Variants in PDE10A observed in about 807,000 individuals in gnomAD.
PDE10A encodes the protein phosphodiesterase 10A, also known as cAMP and cAMP-inhibited cGMP 3',5'-cyclic phosphodiesterase 10A.
Under a neutral mutation model 97.7 loss-of-function variants are expected in PDE10A, and 39 were observed. That is an observed-to-expected ratio of 0.40 (90% CI 0.31 to 0.52). The LOEUF (loss-of-function observed/expected upper bound fraction) is 0.52. PDE10A is among the 20% of genes least tolerant of loss of function. The pLI is 0.56. For missense variants in PDE10A, 731 were observed against 1,047.8 expected, an observed-to-expected ratio of 0.70 and a Z score of 4.17; for synonymous variants, 371 against 376.8, an observed-to-expected ratio of 0.98 and a Z score of 0.18.
chr6:165,942,049 C>T (rs1204230806), intron 1 of PDE10A, among the ~76,000 whole-genome samples: 1 of 152,164 alleles, frequency 6.6e-6, no homozygotes, highest in African/African-American at 2.4e-5. Context: ...ACAGTGATTC[C>T]TGGATGTGAC....
intron 1 of PDE10A, among the ~76,000 whole-genome samples, chr6:165,883,550 AAAAT>A (rs1325241922): frequency 1.5e-5 from 1 of 66,472 alleles, no homozygotes; most frequent in African/African-American, 5.1e-5. Context: ...AAAAAAAAAA[AAAAT>A]AAATAAAAAT....
At chr6:165,817,874 G>A (rs537287260) in intron 1 of PDE10A, among the ~76,000 whole-genome samples, 2 of 152,312 alleles carry the variant, frequency 1.3e-5, no homozygotes, top group African/African-American at 2.4e-5. Flanking sequence ...TCTTAAGTGC[G>A]GTAGAATGTT....
chr6:165,444,165 C>T (rs1330688493), intron 5 of PDE10A, among the ~76,000 whole-genome samples: 1 of 152,214 alleles, frequency 6.6e-6, no homozygotes, highest in Admixed American at 6.5e-5. Flanking sequence ...ACTTCACTAT[C>T]CGTATCACTG....
At position 165,330,752 on chromosome 6, in the gene PDE10A, A is replaced by C. The variant is rs1223528039; in HGVS notation, c.*2273T>G. 6.6e-6 allele frequency: 1 copy of C among 152,204 alleles called. No individual in the cohort carries two copies. The highest frequency in any genetic ancestry group is 2.4e-5 in the African/African-American group (1 of 41,462). 9.4% of individuals were successfully genotyped at this position (152,204 alleles called of 1,614,324 possible). On this transcript the variant is annotated 3_prime_UTR_variant, in exon 22 of 22. Coordinates refer to ENST00000539869, the MANE Select transcript of PDE10A (RefSeq NM_001385079.1). ...CTCCATAATTATTTTCTATATTAAA[A>C]AACAGAATTCATACATTCTTTTAAA...
At chr6:165,498,606 T>C (rs1475644794) in intron 2 of PDE10A, among the ~76,000 whole-genome samples, 1 of 152,050 alleles carries the variant, frequency 6.6e-6, no homozygotes, top group Non-Finnish European at 1.5e-5. Flanking sequence ...AATTTGGCTA[T>C]CACACATTAC....
At chr6:165,646,042 T>C (rs971530827) in intron 1 of PDE10A, among the ~76,000 whole-genome samples, 4 of 151,992 alleles carry the variant, frequency 2.6e-5, no homozygotes, top group African/African-American at 7.2e-5. Context: ...AATCCTAAAA[T>C]AGGAGCATGC....
intron 18 of PDE10A, among the ~76,000 whole-genome samples, chr6:165,348,545 A>C (rs556675358): frequency 6.6e-6 from 1 of 152,304 alleles, no homozygotes; most frequent in Admixed American, 6.5e-5. Flanking sequence ...AGTCAGGAAA[A>C]GTGCTTTGAA....
At chr6:165,551,476 G>A (rs1167968790) in intron 1 of PDE10A, among the ~76,000 whole-genome samples, 1 of 152,098 alleles carries the variant, frequency 6.6e-6, no homozygotes, top group African/African-American at 2.4e-5. Context: ...TAAGTATGTG[G>A]CACACAGAAA....
At chr6:165,798,185 T>C (rs1778878888) in intron 1 of PDE10A, among the ~76,000 whole-genome samples, 1 of 152,222 alleles carries the variant, frequency 6.6e-6, no homozygotes, top group Non-Finnish European at 1.5e-5. Context: ...AAAAATAATA[T>C]CACCATCAAG....
chr6:165,597,194 T>C (rs1280409412), intron 1 of PDE10A, among the ~76,000 whole-genome samples: 2 of 152,146 alleles, frequency 1.3e-5, no homozygotes, highest in Non-Finnish European at 2.9e-5. Context: ...CACTGCTGTA[T>C]TCCCAATTCC....
At chr6:165,779,618 T>C (rs1485600424) in intron 1 of PDE10A, among the ~76,000 whole-genome samples, 1 of 152,252 alleles carries the variant, frequency 6.6e-6, no homozygotes, top group Non-Finnish European at 1.5e-5. Flanking sequence ...TTTGGGGTGG[T>C]GGCTACAAAG....
chr6:165,970,530 A>C (rs942797123), intron 1 of PDE10A, among the ~76,000 whole-genome samples: 32 of 152,328 alleles, frequency 2.1e-4, no homozygotes, highest in Admixed American at 1.7e-3. Flanking sequence ...TAAAATATCC[A>C]TAACAGTTAT....
chr6:165,558,531 G>A (rs1252869610), intron 1 of PDE10A, among the ~76,000 whole-genome samples: 4 of 152,098 alleles, frequency 2.6e-5, no homozygotes, highest in African/African-American at 9.6e-5. Context: ...AGAATACATA[G>A]GTTTTCTATA....
At chr6:165,903,384 A>G (rs1218048288) in intron 1 of PDE10A, among the ~76,000 whole-genome samples, 1 of 152,188 alleles carries the variant, frequency 6.6e-6, no homozygotes, top group East Asian at 1.9e-4. Context: ...TGAATATAGG[A>G]TTCATTTTGG....
chr6:165,768,591 A>C (rs904674615), intron 1 of PDE10A, among the ~76,000 whole-genome samples: 5 of 152,164 alleles, frequency 3.3e-5, no homozygotes, highest in Admixed American at 3.3e-4. Flanking sequence ...GAATCCTATC[A>C]TATGGTATTT....
At chr6:165,420,015 C>T (rs899351136) in intron 10 of PDE10A, among the ~76,000 whole-genome samples, 10 of 152,172 alleles carry the variant, frequency 6.6e-5, no homozygotes, top group African/African-American at 2.2e-4. Context: ...ACTGGCTGTG[C>T]CCACTACGCA....
chr6:165,356,717 G>C (rs1335858389), intron 18 of PDE10A, among the ~76,000 whole-genome samples: 1 of 152,158 alleles, frequency 6.6e-6, no homozygotes, highest in Non-Finnish European at 1.5e-5. Flanking sequence ...AGAAAAGACA[G>C]TTGTTCATAT....
chr6:165,398,129 T>C (rs946378612), intron 13 of PDE10A, among the ~76,000 whole-genome samples: 3 of 152,236 alleles, frequency 2.0e-5, no homozygotes, highest in Non-Finnish European at 4.4e-5. Context: ...GATGGTTCAC[T>C]TTAATTTATT....
chr6:165,930,963 G>C (rs1390089711), intron 1 of PDE10A, among the ~76,000 whole-genome samples: 1 of 152,220 alleles, frequency 6.6e-6, no homozygotes, highest in East Asian at 1.9e-4. Context: ...GAACGAGCCA[G>C]CCCCGTGAAA....
Sources: gnomAD v4.1 joint callset for allele counts (sites outside exome capture counted in the v4.1 genomes callset) on GRCh38, gnomAD v4.1.1 for gene constraint, MANE v1.5 for transcripts, NCBI Gene and HGNC (gene_info 2026-07-23, HGNC 2026-07-21) for gene names.